Variants in COL26A1 observed in about 807,000 individuals in gnomAD.
COL26A1 encodes collagen alpha-1(XXVI) chain.
Under a neutral mutation model 59.3 loss-of-function variants are expected in COL26A1, and 41 were observed. The ratio of observed to expected loss-of-function variants is 0.69; its 90% CI spans 0.54 to 0.90. The LOEUF (loss-of-function observed/expected upper bound fraction) is 0.90. Among genes scored for constraint, COL26A1 ranks in the 40% least tolerant of loss-of-function variants. COL26A1 has a pLI of 0.00. For synonymous variants in COL26A1, 266 were observed against 256.0 expected, an observed-to-expected ratio of 1.04 and a Z score of -0.37; for missense variants, 612 against 602.3, an observed-to-expected ratio of 1.02 and a Z score of -0.17.
chr7:101,489,836 TTC>T (rs1794399884), intron 3 of COL26A1, among the ~76,000 whole-genome samples: 1 of 17,496 alleles, frequency 5.7e-5, no homozygotes, highest in Admixed American at 6.7e-4. Context: ...CTTTCTTTCT[TTC>T]TTTCTTTCTT....
At chr7:101,387,774 A>ATT (rs1185449488) in intron 1 of COL26A1, among the ~76,000 whole-genome samples, 50 of 48,894 alleles carry the variant, frequency 1.0e-3, no homozygotes, top group East Asian at 6.4e-3. Context: ...ATATATATAT[A>ATT]TATATTTTTT....
At chr7:101,367,757 T>G (rs988961864) in intron 1 of COL26A1, among the ~76,000 whole-genome samples, 4 of 151,960 alleles carry the variant, frequency 2.6e-5, no homozygotes, top group Non-Finnish European at 4.4e-5. Context: ...GGTGGCTGTC[T>G]GCAAACCAGA....
intron 2 of COL26A1, among the ~76,000 whole-genome samples, chr7:101,436,232 G>T (rs1416639401): frequency 2.6e-5 from 4 of 152,178 alleles, no homozygotes; most frequent in African/African-American, 4.8e-5. Flanking sequence ...CGTCTAGCTT[G>T]GATTCTGGGG....
intron 3 of COL26A1, among the ~76,000 whole-genome samples, chr7:101,466,067 T>C (rs965016380): frequency 3.3e-5 from 5 of 152,096 alleles, no homozygotes; most frequent in Admixed American, 6.6e-5. Flanking sequence ...TGCTGTATCA[T>C]TGATCACTCC....
At chr7:101,407,986 G>A (rs536408863) in intron 1 of COL26A1, among the ~76,000 whole-genome samples, 3 of 152,332 alleles carry the variant, frequency 2.0e-5, no homozygotes, top group African/African-American at 7.2e-5. Context: ...CACACTGCCT[G>A]TGGGGTAGCC....
chr7:101,552,027 G>A (rs1045361403), intron 10 of COL26A1, among the ~76,000 whole-genome samples: 1 of 152,184 alleles, frequency 6.6e-6, no homozygotes, highest in Admixed American at 6.5e-5. Flanking sequence ...AAGCCACACA[G>A]CGAGGCAGTG....
chr7:101,431,966 A>ATTTT lies in COL26A1; in HGVS notation c.281+11881_281+11884dup, dbSNP rs35468529. ...ACCACCATGCTTGGCTAATTTTATAATTTTTTTTTTTTTTTTTGGAGACGA... is the reference window on the plus strand; with the variant it reads ...ACCACCATGCTTGGCTAATTTTATAATTTTTTTTTTTTTTTTTTTTTGGAGACGA... On this transcript the variant is annotated intron_variant, in intron 2 of 12. Transcript: ENST00000313669. Among the ~76,000 whole-genome samples, 10 of 133,594 alleles carry ATTTT rather than the reference A, an allele frequency of 7.5e-5. No individual in the cohort carries two copies. In the East Asian group the frequency reaches 1.3e-3, roughly 18 times the overall value. The allele number at this position is 133,594 out of a possible 152,430, so 87.6% of individuals were successfully genotyped here.
At chr7:101,556,016 T>C (rs1584512228) in intron 12 of COL26A1, 145 bp downstream of exon 12, 1 of 652,306 alleles carries the variant, frequency 1.5e-6, no homozygotes, top group Non-Finnish European at 2.6e-6. Flanking sequence ...TCAAGGACCC[T>C]CAGTGGCTCC....
At chr7:101,393,246 T>A (rs1791775781) in intron 1 of COL26A1, among the ~76,000 whole-genome samples, 1 of 152,108 alleles carries the variant, frequency 6.6e-6, no homozygotes, top group Admixed American at 6.6e-5. Context: ...GATATATGTA[T>A]ATGGGAGTTT....
chr7:101,432,942 C>G (rs989009219), intron 2 of COL26A1, among the ~76,000 whole-genome samples: 6 of 151,908 alleles, frequency 3.9e-5, no homozygotes, highest in Non-Finnish European at 8.8e-5. Flanking sequence ...CCTCAGGTGA[C>G]CCACCCGCCT....
At chr7:101,551,060 C>A in intron 9 of COL26A1, 48 bp from the exon 10 acceptor site, 1 of 1,548,704 alleles carries the variant, frequency 6.5e-7, no homozygotes, top group Non-Finnish European at 8.7e-7. Context: ...GCACTGGAGA[C>A]TTGGCCAGGA....
At chr7:101,408,766 G>C (rs908375420) in intron 1 of COL26A1, among the ~76,000 whole-genome samples, 1 of 152,186 alleles carries the variant, frequency 6.6e-6, no homozygotes, top group Non-Finnish European at 1.5e-5. Context: ...CATGTTGTTA[G>C]ACTTGGCTCC....
intron 2 of COL26A1, among the ~76,000 whole-genome samples, chr7:101,436,820 A>G (rs1584406313): frequency 1.3e-5 from 2 of 151,942 alleles, no homozygotes; most frequent in African/African-American, 2.4e-5. Context: ...ATTTCAAGCA[A>G]TTCTCCTGCC....
chr7:101,394,965 C>T (rs1791823180), intron 1 of COL26A1, among the ~76,000 whole-genome samples: 3 of 144,844 alleles, frequency 2.1e-5, no homozygotes. Context: ...CCTCTGCCTC[C>T]CAGGTTAAGT....
intron 3 of COL26A1, among the ~76,000 whole-genome samples, chr7:101,508,400 TC>T (rs1794855788): frequency 6.6e-6 from 1 of 151,600 alleles, no homozygotes; most frequent in Non-Finnish European, 1.5e-5. Flanking sequence ...ACACCTGTAG[TC>T]CCAGCTCCTC....
intron 1 of COL26A1, among the ~76,000 whole-genome samples, chr7:101,404,919 CAAAT>C (rs777636276): frequency 6.0e-5 from 9 of 151,064 alleles, no homozygotes; most frequent in South Asian, 2.1e-4. Context: ...AATAAATAAA[CAAAT>C]AAATAATTGT....
chr7:101,476,494 A>C (rs1354975951), intron 3 of COL26A1, among the ~76,000 whole-genome samples: 2 of 152,156 alleles, frequency 1.3e-5, no homozygotes, highest in African/African-American at 2.4e-5. Flanking sequence ...AAGGAAATAG[A>C]ATGATAGGAA....
intron 10 of COL26A1, 174 bp from the exon 11 acceptor site, chr7:101,553,152 G>A (rs1249517178): frequency 3.5e-6 from 2 of 563,664 alleles, no homozygotes; most frequent in Middle Eastern, 3.8e-4. Flanking sequence ...CGGAGCCGTG[G>A]CCTCCCCTGC....
chr7:101,364,243 G>A (rs1457290125), intron 1 of COL26A1, among the ~76,000 whole-genome samples: 1 of 96,934 alleles, frequency 1.0e-5, no homozygotes, highest in African/African-American at 6.8e-5. Context: ...CTTGAATTTA[G>A]CTTTTCTCAT....
Sources: allele counts gnomAD v4.1 joint callset (sites outside exome capture counted in the v4.1 genomes callset), GRCh38; gene constraint gnomAD v4.1.1; transcripts MANE v1.5; gene names NCBI Gene and HGNC (gene_info 2026-07-23, HGNC 2026-07-21).